The following PTPRD variants were observed in gnomAD, a reference collection of about 807,000 sequenced individuals.
PTPRD encodes receptor-type tyrosine-protein phosphatase delta.
A neutral mutation model predicts 214.5 loss-of-function variants in PTPRD; 34 were observed. The ratio of observed to expected loss-of-function variants is 0.16; its 90% CI spans 0.12 to 0.21. The LOEUF (loss-of-function observed/expected upper bound fraction) is 0.21. Among genes scored for constraint, PTPRD ranks in the 10% least tolerant of loss-of-function variants. PTPRD has a pLI of 1.00. For synonymous variants in PTPRD, 1,128 were observed against 845.7 expected (o/e 1.33, Z -5.79); for missense variants, 2,545 against 2,398.7 (o/e 1.06, Z -1.27).
At chr9:8,396,456 T>G (rs1007670686) in intron 36 of PTPRD, among the ~76,000 whole-genome samples, 4 of 152,080 alleles carry the variant, frequency 2.6e-5, no homozygotes, top group African/African-American at 9.7e-5. Flanking sequence ...TAGGTTTATC[T>G]ACGGCCTCAG....
At chr9:9,514,077 C>T (rs186608625) in intron 8 of PTPRD, among the ~76,000 whole-genome samples, 16 of 152,144 alleles carry the variant, frequency 1.1e-4, no homozygotes, top group African/African-American at 3.9e-4. Flanking sequence ...CAAAAAGTCC[C>T]TTGTTTTTGT....
chr9:10,110,572 G>T (rs1184695719), intron 3 of PTPRD, among the ~76,000 whole-genome samples: 1 of 152,066 alleles, frequency 6.6e-6, no homozygotes, highest in East Asian at 1.9e-4. Context: ...GAGAAAGTTT[G>T]GTTGCCTGAG....
At position 9,647,100 on chromosome 9, in the gene PTPRD, G is replaced by A. The variant is rs115433709; in HGVS notation, c.-286-72319C>T. Among the ~76,000 whole-genome samples, 617 of 152,026 alleles carry A rather than the reference G, an allele frequency of 4.1e-3. 7 individuals carry two copies. Among genetic ancestry groups the A allele is most frequent in the African/African-American group, 0.014 (586 of 41,464 alleles). ...TCTTCAGGTCTGAATAAATTTTTCG[G>A]GTCTGTTGTTGATGTCTAGGCTAAT... On this transcript the variant is annotated intron_variant, in intron 7 of 45. Transcript: ENST00000381196.
chr9:10,044,249 A>C (rs564708128), intron 3 of PTPRD, among the ~76,000 whole-genome samples: 2 of 151,934 alleles, frequency 1.3e-5, no homozygotes, highest in African/African-American at 4.8e-5. Context: ...TCTCTAAAAT[A>C]ATACTTTCTG....
intron 3 of PTPRD, among the ~76,000 whole-genome samples, chr9:10,281,087 C>G (rs2095081382): frequency 6.6e-6 from 1 of 152,140 alleles, no homozygotes. Context: ...TCTGTAAACT[C>G]CTTGAAGTCT....
intron 11 of PTPRD, among the ~76,000 whole-genome samples, chr9:9,012,688 A>C (rs2099516625): frequency 6.6e-6 from 1 of 152,170 alleles, no homozygotes; most frequent in Non-Finnish European, 1.5e-5. Context: ...TTTTTTTATC[A>C]AGTTCTATCA....
intron 33 of PTPRD, among the ~76,000 whole-genome samples, chr9:8,459,700 T>C (rs1226025295): frequency 6.6e-6 from 1 of 152,104 alleles, no homozygotes; most frequent in Non-Finnish European, 1.5e-5. Flanking sequence ...AGACACAGAT[T>C]ATTTGCATCC....
intron 8 of PTPRD, among the ~76,000 whole-genome samples, chr9:9,532,303 C>T (rs910016719): frequency 7.9e-5 from 12 of 152,000 alleles, no homozygotes; most frequent in African/African-American, 2.9e-4. Context: ...ATTCAGTTAC[C>T]AAATTAACAA....
At chr9:10,466,096 T>C (rs1273414381) in intron 2 of PTPRD, among the ~76,000 whole-genome samples, 2 of 152,216 alleles carry the variant, frequency 1.3e-5, no homozygotes, top group African/African-American at 4.8e-5. Flanking sequence ...CTCTTGCCTA[T>C]GATTTGTTGA....
At position 8,349,004 on chromosome 9, in the gene PTPRD, T is replaced by A. The variant is rs528197420; in HGVS notation, c.4662-7026A>T. Among the ~76,000 whole-genome samples the A allele has an allele frequency of 2.0e-5, 3 of 151,952 alleles. No individual in the cohort carries two copies. The South Asian group carries it at 6.2e-4, about 32-fold the overall frequency. On this transcript the variant is annotated intron_variant, in intron 39 of 45. Transcript: ENST00000381196. The stretch of plus-strand genomic sequence containing the variant: ...TGTCTCTACTGTTTGGCAATTTCCA[T>A]GCCAGGGAAATTGAAGGTGCTCAAC...
At chr9:10,211,274 A>G (rs558730147) in intron 3 of PTPRD, among the ~76,000 whole-genome samples, 1 of 152,306 alleles carries the variant, frequency 6.6e-6, no homozygotes, top group East Asian at 1.9e-4. Flanking sequence ...AAAGGAAAAA[A>G]CTAGAATTCT....
intron 10 of PTPRD, among the ~76,000 whole-genome samples, chr9:9,111,967 G>A (rs2099806764): frequency 1.3e-5 from 2 of 152,078 alleles, no homozygotes. Flanking sequence ...GTGCAAAAAT[G>A]GGGGTCCAGG....
chr9:10,457,393 T>C (rs2131109285), intron 2 of PTPRD, among the ~76,000 whole-genome samples: 1 of 152,136 alleles, frequency 6.6e-6, no homozygotes, highest in Admixed American at 6.6e-5. Context: ...CATGACTTTA[T>C]ATTCATGAAA....
rs986065566 is a variant in PTPRD, at chr9:8,785,747, T to C, written c.-103-51801A>G. 3.9e-5 allele frequency among the ~76,000 whole-genome samples: 6 copies of C among 152,318 alleles called. No homozygotes were observed. The South Asian group carries it at 1.2e-3, about 32-fold the overall frequency. ...ATTGAGTAAAAATATCTGTAATTCC[T>C]TCAAGTTCAGTAAGTTAAAGTAAAG... is the stretch of plus-strand genomic sequence containing the variant. On this transcript the variant is annotated intron_variant, in intron 11 of 45. Transcript: ENST00000381196.
chr9:10,483,514 T>C (rs1056635441), intron 2 of PTPRD, among the ~76,000 whole-genome samples: 1 of 151,620 alleles, frequency 6.6e-6, no homozygotes, highest in African/African-American at 2.4e-5. Context: ...AAAAAAAAAT[T>C]GTCAACTCTG....
chr9:9,532,048 T>C (rs1400248234), intron 8 of PTPRD, among the ~76,000 whole-genome samples: 1 of 152,050 alleles, frequency 6.6e-6, no homozygotes, highest in Non-Finnish European at 1.5e-5. Flanking sequence ...AGATTCCATA[T>C]TAAATGGTAA....
chr9:9,947,346 A>AAT (rs1307897092), intron 4 of PTPRD, among the ~76,000 whole-genome samples: 1 of 43,690 alleles, frequency 2.3e-5, no homozygotes, highest in Non-Finnish European at 3.5e-5. Flanking sequence ...TTATATATAT[A>AAT]ATATATATTA....
chr9:9,427,354 G>C (rs2081348065), intron 8 of PTPRD, among the ~76,000 whole-genome samples: 2 of 152,100 alleles, frequency 1.3e-5, no homozygotes, highest in Non-Finnish European at 2.9e-5. Flanking sequence ...GAGAAGAGAA[G>C]TTTAGAGAAA....
rs568707651 is a variant in PTPRD, at chr9:9,284,751, T to C, written c.-202-101388A>G. ...CAATGGAAAAGAACATAGATTCTTA[T>C]GTTAGGATCTTGGCTCCGTTATTAA... On this transcript the variant is annotated intron_variant, in intron 9 of 45. Coordinates refer to ENST00000381196, the MANE Select transcript of PTPRD (RefSeq NM_002839.4). 3.9e-5 allele frequency among the ~76,000 whole-genome samples: 6 copies of C among 151,938 alleles called. No homozygotes were observed. In the East Asian group the frequency reaches 5.9e-4, roughly 15 times the overall value.
Sources: allele counts gnomAD v4.1 joint callset (sites outside exome capture counted in the v4.1 genomes callset), GRCh38; gene constraint gnomAD v4.1.1; transcripts MANE v1.5; gene names NCBI Gene and HGNC (gene_info 2026-07-23, HGNC 2026-07-21).